LRRC8B: variants seen among roughly 807,000 people sequenced by gnomAD.
LRRC8B encodes the protein leucine rich repeat containing 8 VRAC subunit B.
Under a neutral mutation model 58.8 loss-of-function variants are expected in LRRC8B, and 23 were observed. That is an observed-to-expected ratio of 0.39 (90% CI 0.28 to 0.55). The LOEUF (loss-of-function observed/expected upper bound fraction) is 0.55, where lower values mean the gene tolerates loss of function less well. Among genes scored for constraint, LRRC8B ranks in the 20% least tolerant of loss-of-function variants. LRRC8B has a pLI of 0.62. For synonymous variants in LRRC8B, 359 were observed against 374.1 expected, an observed-to-expected ratio of 0.96 and a Z score of 0.47; for missense variants, 694 against 936.0, an observed-to-expected ratio of 0.74 and a Z score of 3.37.
rs988121305 is a variant in LRRC8B, at chr1:89,579,404, C to CA, written c.-124-186dup. ...CTGACCTATGAAAATCTAAGCCAGG[C>CA]ACAGTGGCTCACACCTGTAATCCCA... On this transcript the variant is annotated intron_variant, in intron 3 of 5. Transcript: ENST00000330947. Among the ~76,000 whole-genome samples the CA allele has an allele frequency of 6.2e-4, 95 of 152,254 alleles. 1 individual carries two copies. Among genetic ancestry groups the CA allele is most frequent in the African/African-American group, 2.2e-3 (91 of 41,544 alleles).
At position 89,594,260 on chromosome 1, in the gene LRRC8B, T is replaced by C. The variant is rs1655171474; in HGVS notation, c.*1217T>C. On this transcript the variant is annotated 3_prime_UTR_variant, in exon 6 of 6. Coordinates refer to ENST00000330947, the MANE Select transcript of LRRC8B (RefSeq NM_001369817.2). ...TGACTCATGTTTATGTACATTCTGC[T>C]CCAAAATGTTTTTGTACTCTGCAAC... 1 of 152,192 alleles carries C rather than the reference T, an allele frequency of 6.6e-6. No homozygotes were observed. The highest frequency in any genetic ancestry group is 6.5e-5 in the Admixed American group (1 of 15,270). The allele number at this position is 152,192 out of a possible 1,614,324, so 9.4% of individuals were successfully genotyped here. A position where few individuals can be genotyped will look rare whatever the true frequency, so the allele number is the denominator to read the frequency against.
chr1:89,569,447 C>T (rs1286951079), intron 3 of LRRC8B, among the ~76,000 whole-genome samples: 2 of 152,108 alleles, frequency 1.3e-5, no homozygotes, highest in African/African-American at 4.8e-5. Context: ...GGAAAACTTT[C>T]AGCCCTTGCC....
chr1:89,559,042 A>G (rs1228630561), intron 1 of LRRC8B: 1 of 152,188 alleles, frequency 6.6e-6, no homozygotes, highest in African/African-American at 2.4e-5. Flanking sequence ...GACAGGTATG[A>G]TATCTAGGTG....
chr1:89,570,837 A>G (rs1653415618), intron 3 of LRRC8B, among the ~76,000 whole-genome samples: 1 of 151,976 alleles, frequency 6.6e-6, no homozygotes, highest in East Asian at 1.9e-4. Context: ...CAGGGTTTTT[A>G]TAATTTGGGG....
intron 1 of LRRC8B, among the ~76,000 whole-genome samples, chr1:89,533,686 A>G (rs1211888668): frequency 2.6e-5 from 4 of 152,184 alleles, no homozygotes; most frequent in African/African-American, 7.2e-5. Flanking sequence ...ATGCTTCTTC[A>G]TGAAAAATAA....
At chr1:89,529,306 C>G (rs1364734957) in intron 1 of LRRC8B, among the ~76,000 whole-genome samples, 3 of 152,184 alleles carry the variant, frequency 2.0e-5, no homozygotes, top group Non-Finnish European at 2.9e-5. Context: ...ATTTACCCCA[C>G]TTGGTGTTAC....
chr1:89,529,803 A>C (rs1649978011), intron 1 of LRRC8B, among the ~76,000 whole-genome samples: 1 of 152,044 alleles, frequency 6.6e-6, no homozygotes, highest in Non-Finnish European at 1.5e-5. Context: ...GCCTTGAATT[A>C]TTTTTGGCTG....
At chr1:89,548,067 GT>G (rs1396674546) in intron 1 of LRRC8B, among the ~76,000 whole-genome samples, 3 of 152,120 alleles carry the variant, frequency 2.0e-5, no homozygotes, top group Non-Finnish European at 4.4e-5. Context: ...TAAGTGATTT[GT>G]TTGGAATTAT....
Position 89,592,854 on chromosome 1 carries a change from C to G in LRRC8B, c.2223C>G (p.Ser741=). Residue 741 remains serine (S), a synonymous_variant, in exon 6 of 6, where the codon TCC becomes TCG. Transcript: ENST00000330947. The part of the protein sequence containing the change: ...LLGKNSLMNL[S]PHVGELSNLT... ...GGAAAAATAGCTTGATGAATTTGTC[C>G]CCTCATGTGGGTGAGCTGTCAAACC... 6.2e-7 allele frequency: 1 copy of G among 1,613,774 alleles called. No individual in the cohort carries two copies. Among genetic ancestry groups the G allele is most frequent in the Middle Eastern group, 1.6e-4 (1 of 6,062 alleles).
At chr1:89,591,483 T>C (rs1335530144) in intron 5 of LRRC8B, among the ~76,000 whole-genome samples, 1 of 152,210 alleles carries the variant, frequency 6.6e-6, no homozygotes, top group African/African-American at 2.4e-5. Flanking sequence ...TTTGTTTATA[T>C]CTAATATTTT....
intron 3 of LRRC8B, among the ~76,000 whole-genome samples, chr1:89,572,303 A>G (rs1246111570): frequency 6.6e-6 from 1 of 152,080 alleles, no homozygotes; most frequent in Non-Finnish European, 1.5e-5. Flanking sequence ...ACCTTAGATA[A>G]TCTGTTGATT....
intron 1 of LRRC8B, among the ~76,000 whole-genome samples, chr1:89,552,302 T>C (rs1414708213): frequency 1.3e-5 from 2 of 152,218 alleles, no homozygotes; most frequent in African/African-American, 4.8e-5. Flanking sequence ...TGGTGTCTTC[T>C]AGCCCCTTCT....
chr1:89,553,728 C>T (rs559596634), intron 1 of LRRC8B, among the ~76,000 whole-genome samples: 12 of 152,180 alleles, frequency 7.9e-5, no homozygotes, highest in Admixed American at 4.6e-4. Context: ...TTTTTTAAAG[C>T]GTAACTATTT....
At chr1:89,561,169 G>A (rs1359180508) in intron 1 of LRRC8B, among the ~76,000 whole-genome samples, 1 of 151,888 alleles carries the variant, frequency 6.6e-6, no homozygotes, top group African/African-American at 2.4e-5. Flanking sequence ...GTGTTTTTTG[G>A]CTGCATAAAG....
chr1:89,546,821 G>A (rs1260895396), intron 1 of LRRC8B, among the ~76,000 whole-genome samples: 1 of 152,120 alleles, frequency 6.6e-6, no homozygotes, highest in African/African-American at 2.4e-5. Context: ...AAGTAAAAAA[G>A]ACAAGAGATG....
intron 1 of LRRC8B, among the ~76,000 whole-genome samples, chr1:89,562,003 A>G (rs967916772): frequency 3.9e-5 from 6 of 152,316 alleles, no homozygotes; most frequent in African/African-American, 1.4e-4. Context: ...CAAGGCAATC[A>G]TGCAAAAATG....
At chr1:89,559,562 C>G (rs1323276820) in intron 1 of LRRC8B, among the ~76,000 whole-genome samples, 1 of 148,782 alleles carries the variant, frequency 6.7e-6, no homozygotes. Flanking sequence ...GCCATGACCG[C>G]AACACTGCAC....
intron 1 of LRRC8B, among the ~76,000 whole-genome samples, chr1:89,543,121 C>A (rs190632430): frequency 1.3e-5 from 2 of 152,304 alleles, no homozygotes; most frequent in Non-Finnish European, 2.9e-5. Context: ...ACAAAAGCCC[C>A]TAAATTTTCG....
intron 1 of LRRC8B, among the ~76,000 whole-genome samples, chr1:89,562,998 T>C (rs1049541430): frequency 2.0e-5 from 3 of 152,228 alleles, no homozygotes; most frequent in Non-Finnish European, 4.4e-5. Context: ...TGGTAACCTA[T>C]GAATTATGAA....
Sources: allele counts gnomAD v4.1 joint callset (sites outside exome capture counted in the v4.1 genomes callset), GRCh38; gene constraint gnomAD v4.1.1; transcripts MANE v1.5; gene names NCBI Gene and HGNC (gene_info 2026-07-23, HGNC 2026-07-21).